Variants in NCKAP5 observed in about 807,000 individuals in gnomAD.
NCKAP5 encodes the protein NCK associated protein 5, also known as nck-associated protein 5.
NCKAP5 carries 92 observed loss-of-function variants against 167.0 expected under a neutral mutation model. That is an observed-to-expected ratio of 0.55 (90% CI 0.47 to 0.66). The LOEUF is 0.66. NCKAP5 is among the 30% of genes least tolerant of loss of function. NCKAP5 has a pLI of 0.00. For synonymous variants in NCKAP5, 891 were observed against 877.4 expected, an observed-to-expected ratio of 1.02 and a Z score of -0.27; for missense variants, 2,378 against 2,315.0, an observed-to-expected ratio of 1.03 and a Z score of -0.56.
the NCKAP5 span, among the ~76,000 whole-genome samples, chr2:133,593,528 T>G: frequency 6.6e-6 from 1 of 152,238 alleles, no homozygotes; most frequent in African/African-American, 2.4e-5. Context: ...ATTTTATTTT[T>G]TTTAAGTCTG....
At chr2:132,923,292 A>C (rs1240431907) in intron 8 of NCKAP5, among the ~76,000 whole-genome samples, 1 of 152,230 alleles carries the variant, frequency 6.6e-6, no homozygotes, top group Non-Finnish European at 1.5e-5. Flanking sequence ...TTAATTGATC[A>C]GCTAAATGAG....
chr2:133,305,009 G>A (rs990943747), intron 3 of NCKAP5, among the ~76,000 whole-genome samples: 3 of 152,164 alleles, frequency 2.0e-5, no homozygotes, highest in Admixed American at 6.5e-5. Flanking sequence ...AGAGAAAAGG[G>A]AGCCAGACAT....
intron 3 of NCKAP5, among the ~76,000 whole-genome samples, chr2:133,374,244 A>G (rs1237006818): frequency 6.6e-6 from 1 of 152,238 alleles, no homozygotes. Flanking sequence ...ACTACATGAA[A>G]TAAGCCAATC....
chr2:132,713,352 C>T lies in NCKAP5; in HGVS notation c.5713+12275G>A, dbSNP rs143454062. ...TCCTAGTCACTACAGCATTTGTTCACAGAGTGACAAAACATCAAGCCTGGC... is the reference window on the plus strand; with the variant it reads ...TCCTAGTCACTACAGCATTTGTTCATAGAGTGACAAAACATCAAGCCTGGC... On this transcript the variant is annotated intron_variant, in intron 19 of 19. Coordinates refer to ENST00000409261, the MANE Select transcript of NCKAP5 (RefSeq NM_207363.3). Among the ~76,000 whole-genome samples, 718 of 150,522 alleles carry T rather than the reference C, an allele frequency of 4.8e-3. 8 individuals are homozygous for T. The highest frequency in any genetic ancestry group is 0.017 in the African/African-American group (689 of 40,820).
At chr2:133,458,477 C>T (rs1201460294) in intron 3 of NCKAP5, among the ~76,000 whole-genome samples, 1 of 152,104 alleles carries the variant, frequency 6.6e-6, no homozygotes, top group African/African-American at 2.4e-5. Flanking sequence ...GGCCTTGCAA[C>T]ATCCTGGCTG....
At chr2:133,586,534 G>A in the NCKAP5 span, among the ~76,000 whole-genome samples, 1 of 152,118 alleles carries the variant, frequency 6.6e-6, no homozygotes, top group Non-Finnish European at 1.5e-5. Flanking sequence ...ATCGCTCAAG[G>A]ACAGTGCTAC....
At chr2:132,800,646 C>A (rs1367023116) in intron 11 of NCKAP5, among the ~76,000 whole-genome samples, 4 of 152,130 alleles carry the variant, frequency 2.6e-5, no homozygotes, top group African/African-American at 9.7e-5. Context: ...TTTTCCATGG[C>A]ACACTTTCCT....
chr2:132,990,656 T>C (rs985432736), intron 7 of NCKAP5, among the ~76,000 whole-genome samples: 1 of 152,034 alleles, frequency 6.6e-6, no homozygotes, highest in East Asian at 1.9e-4. Flanking sequence ...GACAATGAGA[T>C]GTGATGATGA....
At chr2:132,955,437 A>C (rs758741932) in intron 8 of NCKAP5, among the ~76,000 whole-genome samples, 2 of 152,186 alleles carry the variant, frequency 1.3e-5, no homozygotes, top group Non-Finnish European at 2.9e-5. Flanking sequence ...GAAAGGTTAG[A>C]TTACAAGGTG....
At chr2:132,989,714 C>T (rs2077396151) in intron 7 of NCKAP5, among the ~76,000 whole-genome samples, 1 of 152,162 alleles carries the variant, frequency 6.6e-6, no homozygotes, top group African/African-American at 2.4e-5. Flanking sequence ...ACTGTGCCTA[C>T]TTTCCACCAC....
chr2:132,852,590 G>A (rs905283639), intron 11 of NCKAP5, among the ~76,000 whole-genome samples: 14 of 152,306 alleles, frequency 9.2e-5, no homozygotes, highest in Middle Eastern at 3.4e-3. Flanking sequence ...GTTGCAAGAG[G>A]TTGGGAAGGC....
At chr2:133,527,694 T>C (rs549190901) in intron 2 of NCKAP5, among the ~76,000 whole-genome samples, 1 of 152,306 alleles carries the variant, frequency 6.6e-6, no homozygotes, top group South Asian at 2.1e-4. Context: ...GATGTTTATC[T>C]TTTTCTACTC....
intron 3 of NCKAP5, among the ~76,000 whole-genome samples, chr2:133,490,197 T>C (rs548740571): frequency 1.3e-5 from 2 of 152,322 alleles, no homozygotes; most frequent in Non-Finnish European, 2.9e-5. Context: ...AACCCTGGAA[T>C]TGGGTACAGC....
Position 133,044,770 on chromosome 2 carries a change from G to A in NCKAP5, c.342-50531C>T, listed in dbSNP as rs967783952. Reference sequence around the variant, plus strand: ...CTTACACATGCGCTTAAGGAGACATGACCAAGACAGTTCTTCGGACCAGGC... The same window carrying A: ...CTTACACATGCGCTTAAGGAGACATAACCAAGACAGTTCTTCGGACCAGGC... On this transcript the variant is annotated intron_variant, in intron 6 of 19. Transcript: ENST00000409261. Among the ~76,000 whole-genome samples, 6 of 152,126 alleles carry A rather than the reference G, an allele frequency of 3.9e-5. No homozygotes were observed. In the East Asian group the frequency reaches 1.2e-3, roughly 29 times the overall value.
intron 8 of NCKAP5, among the ~76,000 whole-genome samples, chr2:132,880,763 CA>C (rs1162060799): frequency 6.6e-6 from 1 of 152,116 alleles, no homozygotes; most frequent in African/African-American, 2.4e-5. Flanking sequence ...TAATATGTAT[CA>C]AAAAACAAAA....
chr2:132,731,715 G>A (rs1691024422), intron 17 of NCKAP5, 22 bp downstream of exon 17: 5 of 1,555,806 alleles, frequency 3.2e-6, no homozygotes, highest in East Asian at 2.3e-5. Context: ...GTCTTATTAA[G>A]GGTGGGAAAT....
At chr2:133,367,438 G>T (rs950093376) in intron 3 of NCKAP5, among the ~76,000 whole-genome samples, 1 of 152,118 alleles carries the variant, frequency 6.6e-6, no homozygotes, top group Non-Finnish European at 1.5e-5. Context: ...AGCCAAAAAA[G>T]AAAATATAAG....
chr2:132,780,952 C>CA (rs1682977562), intron 15 of NCKAP5, 100 bp downstream of exon 15: 1 of 1,187,384 alleles, frequency 8.4e-7, no homozygotes, highest in African/African-American at 1.6e-5. Context: ...CCCCCAGTTG[C>CA]AATCTCTTAC....
intron 6 of NCKAP5, among the ~76,000 whole-genome samples, chr2:133,016,456 C>T (rs1262784948): frequency 6.6e-6 from 1 of 152,178 alleles, no homozygotes; most frequent in Non-Finnish European, 1.5e-5. Context: ...TCTTTACAGG[C>T]CTTCCGTGTT....
Sources: gnomAD v4.1 joint callset for allele counts (sites outside exome capture counted in the v4.1 genomes callset) on GRCh38, gnomAD v4.1.1 for gene constraint, MANE v1.5 for transcripts, NCBI Gene and HGNC (gene_info 2026-07-23, HGNC 2026-07-21) for gene names.